Variants in GLCCI1 observed in about 807,000 individuals in gnomAD.
GLCCI1 encodes glucocorticoid-induced transcript 1 protein.
GLCCI1 carries 24 observed loss-of-function variants against 52.2 expected under a neutral mutation model. That is an observed-to-expected ratio of 0.46 (90% confidence interval 0.33 to 0.65). GLCCI1 has a LOEUF of 0.65. GLCCI1 is among the 30% of genes least tolerant of loss of function. The probability of loss-of-function intolerance (pLI) is 0.02; values close to 1 mark genes in which losing one functional copy is unlikely to be tolerated. For synonymous variants in GLCCI1, 310 were observed against 276.5 expected, an observed-to-expected ratio of 1.12 and a Z score of -1.20; for missense variants, 704 against 701.5, an observed-to-expected ratio of 1.00 and a Z score of -0.04.
intron 2 of GLCCI1, among the ~76,000 whole-genome samples, chr7:8,017,256 G>A (rs1243549501): frequency 6.6e-6 from 1 of 152,198 alleles, no homozygotes; most frequent in African/African-American, 2.4e-5. Flanking sequence ...TTGGCCATAT[G>A]TAGTAATCAC....
intron 3 of GLCCI1, among the ~76,000 whole-genome samples, chr7:8,049,453 ATATAT>A (rs761943057): frequency 3.9e-4 from 60 of 152,206 alleles, no homozygotes; most frequent in Non-Finnish European, 8.1e-4. Flanking sequence ...TTAAAAATAC[ATATAT>A]TATTTATCCA....
intron 3 of GLCCI1, among the ~76,000 whole-genome samples, chr7:8,031,611 T>G (rs1297624596): frequency 6.6e-6 from 1 of 152,152 alleles, no homozygotes; most frequent in Non-Finnish European, 1.5e-5. Context: ...TTTACTCTCA[T>G]GTGATTATTA....
chr7:8,085,014 T>C lies in GLCCI1; in HGVS notation c.1295T>C (p.Met432Thr), dbSNP rs1013408097. 3.7e-6 allele frequency: 6 copies of C among 1,613,746 alleles called. No homozygotes were observed. The African/African-American group carries it at 8.0e-5, about 22-fold the overall frequency. Residue 432 changes from methionine (M) to threonine (T), a missense_variant, in exon 7 of 8, where the codon ATG becomes ACG. Coordinates refer to ENST00000223145, the MANE Select transcript of GLCCI1 (RefSeq NM_138426.4). ...GCERVKVFEE[M>T]ASRQPISAPL... is the part of the protein sequence containing the mutation. ...GAGCGAGTGAAGGTCTTTGAGGAAA[T>C]GGCGTAAGTAATGTCTTTTTTGTCA...
At chr7:8,078,672 T>C (rs1562452942) in intron 6 of GLCCI1, 1 of 152,082 alleles carries the variant, frequency 6.6e-6, no homozygotes, top group South Asian at 2.1e-4. Flanking sequence ...TGAGGAGACA[T>C]AGCAAGGTCA....
intron 2 of GLCCI1, among the ~76,000 whole-genome samples, chr7:8,006,687 A>G (rs1781157644): frequency 6.6e-6 from 1 of 152,212 alleles, no homozygotes. Context: ...CCCAATGACA[A>G]ATAATCTTCA....
At chr7:8,044,329 G>A (rs1782072440) in intron 3 of GLCCI1, among the ~76,000 whole-genome samples, 1 of 151,246 alleles carries the variant, frequency 6.6e-6, no homozygotes, top group Admixed American at 6.6e-5. Context: ...CTTGACATAG[G>A]ATCGAATTAA....
chr7:8,004,922 A>T (rs2115427761), intron 2 of GLCCI1, among the ~76,000 whole-genome samples: 1 of 152,294 alleles, frequency 6.6e-6, no homozygotes, highest in Admixed American at 6.5e-5. Context: ...TTTGGACATG[A>T]TCTGTAAAAC....
At chr7:7,987,830 C>G (rs1381879870) in intron 1 of GLCCI1, among the ~76,000 whole-genome samples, 1 of 152,070 alleles carries the variant, frequency 6.6e-6, no homozygotes, top group East Asian at 1.9e-4. Flanking sequence ...CTCAAGTTAT[C>G]CTTCCGCTTT....
At chr7:8,051,286 AT>A (rs1161681500) in intron 3 of GLCCI1, among the ~76,000 whole-genome samples, 2 of 152,170 alleles carry the variant, frequency 1.3e-5, no homozygotes, top group African/African-American at 4.8e-5. Flanking sequence ...GAGGTCTTCT[AT>A]TTTCCGGTAG....
At chr7:8,075,977 A>G (rs1266032948) in intron 6 of GLCCI1, among the ~76,000 whole-genome samples, 4 of 152,226 alleles carry the variant, frequency 2.6e-5, no homozygotes, top group Non-Finnish European at 4.4e-5. Context: ...CTTAGGAGAA[A>G]AAAATCAAAA....
At chr7:8,075,676 T>C (rs575078972) in intron 6 of GLCCI1, among the ~76,000 whole-genome samples, 2 of 152,344 alleles carry the variant, frequency 1.3e-5, no homozygotes, top group East Asian at 1.9e-4. Context: ...ACTTATGCAG[T>C]TGTTATAAAA....
At chr7:7,983,066 T>A (rs925109090) in intron 1 of GLCCI1, among the ~76,000 whole-genome samples, 2 of 152,186 alleles carry the variant, frequency 1.3e-5, no homozygotes, top group African/African-American at 4.8e-5. Flanking sequence ...ATAATGTCTT[T>A]ATGCGGATAT....
At chr7:8,057,586 G>C (rs1182330700) in intron 4 of GLCCI1, among the ~76,000 whole-genome samples, 1 of 151,898 alleles carries the variant, frequency 6.6e-6, no homozygotes, top group African/African-American at 2.4e-5. Flanking sequence ...TTCTAAAAGT[G>C]ACTATACTAA....
intron 4 of GLCCI1, among the ~76,000 whole-genome samples, chr7:8,057,533 GACC>G (rs2127959772): frequency 6.6e-6 from 1 of 152,156 alleles, no homozygotes; most frequent in African/African-American, 2.4e-5. Context: ...GATGCGGATT[GACC>G]ACAGAGAGGC....
intron 3 of GLCCI1, among the ~76,000 whole-genome samples, chr7:8,047,591 G>A (rs1037698824): frequency 3.9e-5 from 6 of 152,176 alleles, no homozygotes; most frequent in Non-Finnish European, 8.8e-5. Context: ...GTGTCAACAT[G>A]TGCATTAACA....
intron 3 of GLCCI1, among the ~76,000 whole-genome samples, chr7:8,026,179 A>G (rs1781615999): frequency 6.6e-6 from 1 of 152,220 alleles, no homozygotes; most frequent in Admixed American, 6.5e-5. Flanking sequence ...GATATTAAGT[A>G]TTATTGTGAT....
At chr7:8,067,814 A>C (rs779866313) in intron 5 of GLCCI1, among the ~76,000 whole-genome samples, 1 of 151,970 alleles carries the variant, frequency 6.6e-6, no homozygotes, top group East Asian at 1.9e-4. Flanking sequence ...GGAGAATCTG[A>C]TGATTATGTA....
rs972921873 is a variant in GLCCI1 at position 7,972,681 on chromosome 7, T to C, written c.457+2874T>C. Among the ~76,000 whole-genome samples, 6 of 152,276 alleles carry C rather than the reference T, an allele frequency of 3.9e-5. No homozygotes were observed. The South Asian group carries it at 1.2e-3, about 32-fold the overall frequency. On this transcript the variant is annotated intron_variant, in intron 1 of 7. Coordinates refer to ENST00000223145, the MANE Select transcript of GLCCI1 (RefSeq NM_138426.4). The stretch of plus-strand genomic sequence containing the variant: ...ATTTGTAGGGCTAAGGCTAGAGTAA[T>C]AGAGAATTGATATTCAGATTGTTTC...
At chr7:8,022,097 T>A (rs1305020112) in intron 2 of GLCCI1, among the ~76,000 whole-genome samples, 1 of 152,240 alleles carries the variant, frequency 6.6e-6, no homozygotes, top group Non-Finnish European at 1.5e-5. Flanking sequence ...ATACTATTGC[T>A]TTTGAGATAC....
Sources: gnomAD v4.1 joint callset for allele counts (sites outside exome capture counted in the v4.1 genomes callset) on GRCh38, gnomAD v4.1.1 for gene constraint, MANE v1.5 for transcripts, NCBI Gene and HGNC (gene_info 2026-07-23, HGNC 2026-07-21) for gene names.